Variants in ATRX observed in about 807,000 individuals in gnomAD.
The protein encoded by ATRX is chromatin remodeler ATRX.
ATRX carries 12 observed loss-of-function variants against 172.6 expected under a neutral mutation model. The observed-to-expected ratio is 0.07, with a 90% CI of 0.04 to 0.11. The LOEUF is 0.11. Ranked by LOEUF, ATRX falls within the 10% of genes least tolerant of loss-of-function variation. The probability of loss-of-function intolerance (pLI) is 1.00; values close to 1 mark genes in which losing one functional copy is unlikely to be tolerated. For synonymous variants in ATRX, 674 were observed against 594.7 expected (o/e 1.13, Z -1.94); for missense variants, 1,368 against 1,767.4 (o/e 0.77, Z 4.05).
intron 2 of ATRX, among the ~76,000 whole-genome samples, chrX:77,711,928 C>A (rs1432175451): frequency 8.9e-6 from 1 of 112,257 alleles, no homozygotes; most frequent in African/African-American, 3.2e-5. Context: ...CAACTCAAAG[C>A]TTTTGTTCTG....
intron 1 of ATRX, among the ~76,000 whole-genome samples, chrX:77,783,520 C>CT: frequency 8.9e-6 from 1 of 111,799 alleles, no homozygotes; most frequent in East Asian, 2.8e-4. Flanking sequence ...TAGAATATTA[C>CT]TTTTTTTTAT....
intron 19 of ATRX, among the ~76,000 whole-genome samples, chrX:77,632,641 AAATT>A (rs782160372): frequency 2.0e-3 from 229 of 112,559 alleles, no homozygotes; most frequent in Non-Finnish European, 3.6e-3. Flanking sequence ...AAAGTTGCAC[AAATT>A]AATAATCGTA....
intron 7 of ATRX, among the ~76,000 whole-genome samples, chrX:77,686,071 T>C (rs1346574630): frequency 1.8e-5 from 2 of 111,264 alleles, no homozygotes; most frequent in Non-Finnish European, 3.8e-5. Context: ...AGTGAGGGGA[T>C]AGGGAGGAGG....
At chrX:77,768,954 AC>A (rs2076064356) in intron 1 of ATRX, among the ~76,000 whole-genome samples, 1 of 111,561 alleles carries the variant, frequency 9.0e-6, no homozygotes, top group Non-Finnish European at 1.9e-5. Context: ...CTTGTAGCTT[AC>A]CAACTTTTTC....
chrX:77,585,331 T>G (rs1373711451), intron 27 of ATRX, among the ~76,000 whole-genome samples: 2 of 109,013 alleles, frequency 1.8e-5, no homozygotes, highest in Non-Finnish European at 3.8e-5. Flanking sequence ...CCCAGCACTT[T>G]GGGAGGCCAA....
At chrX:77,550,568 C>T (rs2064449269) in intron 30 of ATRX, among the ~76,000 whole-genome samples, 1 of 111,347 alleles carries the variant, frequency 9.0e-6, no homozygotes, top group Admixed American at 9.6e-5. Context: ...GACAGGGATG[C>T]CCTCTCTCAC....
intron 1 of ATRX, among the ~76,000 whole-genome samples, chrX:77,720,774 T>C (rs1261630154): frequency 8.9e-6 from 1 of 111,935 alleles, no homozygotes; most frequent in Non-Finnish European, 1.9e-5. Flanking sequence ...CCATTCCTTC[T>C]GAAACTATTC....
intron 27 of ATRX, among the ~76,000 whole-genome samples, chrX:77,577,475 T>G (rs907099473): frequency 4.5e-5 from 5 of 111,616 alleles, no homozygotes; most frequent in Non-Finnish European, 9.4e-5. Flanking sequence ...TTTGTTGTTG[T>G]GTTGTAGGAA....
intron 1 of ATRX, among the ~76,000 whole-genome samples, chrX:77,753,781 TAA>T (rs1484707482): frequency 1.8e-5 from 2 of 111,641 alleles, no homozygotes; most frequent in Admixed American, 1.9e-4. Flanking sequence ...TTTGAGTGAA[TAA>T]GTGTGATGTG....
chrX:77,726,993 C>T (rs2074074248), intron 1 of ATRX, among the ~76,000 whole-genome samples: 1 of 110,885 alleles, frequency 9.0e-6, no homozygotes, highest in South Asian at 3.8e-4. Context: ...AAGAAAAAAA[C>T]AAATAACCCT....
intron 27 of ATRX, among the ~76,000 whole-genome samples, chrX:77,577,876 T>C (rs782109599): frequency 9.0e-6 from 1 of 111,612 alleles, no homozygotes; most frequent in Non-Finnish European, 1.9e-5. Context: ...AGCACCATCA[T>C]AAGAAACAAA....
chrX:77,778,119 ACT>A (rs1458765008), intron 1 of ATRX, among the ~76,000 whole-genome samples: 3 of 100,738 alleles, frequency 3.0e-5, no homozygotes, highest in Non-Finnish European at 6.0e-5. Flanking sequence ...ACAGAGTGAG[ACT>A]CTGTCTCAAA....
chrX:77,650,619 T>C (rs2069165668), intron 15 of ATRX, among the ~76,000 whole-genome samples: 2 of 110,746 alleles, frequency 1.8e-5, no homozygotes, highest in African/African-American at 6.6e-5. Flanking sequence ...AGTTTTGCTC[T>C]TGTCACCCAG....
rs868910330 is a variant in ATRX at position 77,766,775 on chromosome X, G to A, written c.20+19207C>T. Among the ~76,000 whole-genome samples the A allele has an allele frequency of 5.8e-3, 606 of 104,821 alleles. 5 individuals carry two copies. Among genetic ancestry groups the A allele is most frequent in the African/African-American group, 0.02 (586 of 28,593 alleles). 91.0% of individuals were successfully genotyped at this position (104,821 alleles called of 115,157 possible). ...CAGAGGGGCTCCTCACATCCCAGAC[G>A]ATGGGCGGCCAGGCAGAGACGCTCC... On this transcript the variant is annotated intron_variant, in intron 1 of 34. Transcript: ENST00000373344.
At chrX:77,758,651 G>C (rs1376039906) in intron 1 of ATRX, among the ~76,000 whole-genome samples, 1 of 109,202 alleles carries the variant, frequency 9.2e-6, no homozygotes, top group Non-Finnish European at 1.9e-5. Flanking sequence ...CCAGCTACTA[G>C]GGAGGCTGAG....
intron 10 of ATRX, 134 bp from the exon 11 acceptor site, chrX:77,664,912 A>T: frequency 1.6e-6 from 1 of 637,935 alleles, no homozygotes; most frequent in Admixed American, 4.0e-5. Flanking sequence ...TAAATAAACA[A>T]CTAGCAAAAC....
chrX:77,611,411 G>A (rs1027944529), intron 22 of ATRX, among the ~76,000 whole-genome samples: 21 of 111,959 alleles, frequency 1.9e-4, no homozygotes, highest in Admixed American at 9.5e-5. Flanking sequence ...AAATTTAGTA[G>A]TGTTCTGCAT....
At chrX:77,705,232 G>A (rs1019459785) in intron 2 of ATRX, among the ~76,000 whole-genome samples, 1 of 111,252 alleles carries the variant, frequency 9.0e-6, no homozygotes, top group Non-Finnish European at 1.9e-5. Context: ...CTGCAGCCAC[G>A]GTTTGGCCAG....
chrX:77,652,507 A>C (rs1214540270), intron 14 of ATRX, among the ~76,000 whole-genome samples, 154 bp from the exon 15 acceptor site: 1 of 109,627 alleles, frequency 9.1e-6, no homozygotes, highest in Admixed American at 9.8e-5. Context: ...TAAAAAAAAA[A>C]AAACAACTCT....
Sources: gnomAD v4.1 joint callset for allele counts (sites outside exome capture counted in the v4.1 genomes callset) on GRCh38, gnomAD v4.1.1 for gene constraint, MANE v1.5 for transcripts, NCBI Gene and HGNC (gene_info 2026-07-23, HGNC 2026-07-21) for gene names.